Variants in PHLDB2 observed in about 807,000 individuals in gnomAD.
PHLDB2 encodes pleckstrin homology-like domain family B member 2.
Under a neutral mutation model 123.6 loss-of-function variants are expected in PHLDB2, and 71 were observed. The ratio of observed to expected loss-of-function variants is 0.57; its 90% CI spans 0.47 to 0.70. The LOEUF (loss-of-function observed/expected upper bound fraction) is 0.70, where lower values mean the gene tolerates loss of function less well. Among genes scored for constraint, PHLDB2 ranks in the 30% least tolerant of loss-of-function variants. The probability of loss-of-function intolerance (pLI) is 0.00; values close to 1 mark genes in which losing one functional copy is unlikely to be tolerated. For synonymous variants in PHLDB2, 547 were observed against 541.6 expected (o/e 1.01, Z -0.14); for missense variants, 1,446 against 1,519.5 (o/e 0.95, Z 0.80).
intron 2 of PHLDB2, among the ~76,000 whole-genome samples, chr3:111,897,122 C>G (rs933668994): frequency 3.3e-5 from 5 of 152,200 alleles, no homozygotes; most frequent in African/African-American, 9.7e-5. Context: ...ACCCCCATAA[C>G]CACTGATTTC....
chr3:111,892,862 G>T (rs1277581937), intron 2 of PHLDB2, among the ~76,000 whole-genome samples: 1 of 152,086 alleles, frequency 6.6e-6, no homozygotes, highest in African/African-American at 2.4e-5. Context: ...AGGATTTTTG[G>T]TATTTTATAA....
intron 1 of PHLDB2, among the ~76,000 whole-genome samples, chr3:111,765,044 T>G (rs768692757): frequency 1.3e-5 from 2 of 152,206 alleles, no homozygotes; most frequent in Admixed American, 6.5e-5. Context: ...AACATGCCAG[T>G]GCAGTTCCAG....
intron 1 of PHLDB2, among the ~76,000 whole-genome samples, chr3:111,861,875 AG>A (rs1439192880): frequency 6.6e-6 from 1 of 152,220 alleles, no homozygotes; most frequent in Non-Finnish European, 1.5e-5. Flanking sequence ...TCTATAAGCA[AG>A]GGTTGACTCT....
chr3:111,770,941 C>T (rs920310876), intron 1 of PHLDB2, among the ~76,000 whole-genome samples: 3 of 90,756 alleles, frequency 3.3e-5, no homozygotes, highest in Non-Finnish European at 7.3e-5. Flanking sequence ...AGCAAAGCAG[C>T]CAGGATGAGG....
intron 2 of PHLDB2, 159 bp downstream of exon 2, chr3:111,885,571 TC>T: frequency 1.0e-6 from 1 of 957,402 alleles, no homozygotes; most frequent in Non-Finnish European, 1.6e-6. Context: ...TCCTTCTTCT[TC>T]CCATATCACT....
intron 1 of PHLDB2, among the ~76,000 whole-genome samples, chr3:111,835,481 T>A (rs948262106): frequency 6.6e-6 from 1 of 152,216 alleles, no homozygotes; most frequent in Admixed American, 6.5e-5. Flanking sequence ...CTATACTTTA[T>A]GCCATGTGAC....
chr3:111,948,447 AT>A (rs1275062788), intron 9 of PHLDB2, among the ~76,000 whole-genome samples: 1 of 152,172 alleles, frequency 6.6e-6, no homozygotes, highest in Non-Finnish European at 1.5e-5. Flanking sequence ...CCCTCAGCCC[AT>A]TTTCCTCACA....
intron 15 of PHLDB2, 110 bp from the exon 16 acceptor site, chr3:111,969,580 T>G (rs2072035376): frequency 1.3e-6 from 1 of 791,786 alleles, no homozygotes; most frequent in Admixed American, 2.7e-5. Flanking sequence ...TTTAATCATA[T>G]AGGCATTTTA....
chr3:111,874,076 G>C (rs2065479029), intron 1 of PHLDB2, among the ~76,000 whole-genome samples: 1 of 152,136 alleles, frequency 6.6e-6, no homozygotes, highest in Admixed American at 6.5e-5. Context: ...TGTACCAGTG[G>C]TCTGACCTAA....
intron 2 of PHLDB2, among the ~76,000 whole-genome samples, chr3:111,899,608 G>A (rs1183952742): frequency 6.6e-6 from 1 of 152,164 alleles, no homozygotes; most frequent in Non-Finnish European, 1.5e-5. Context: ...AAGGGCCTTG[G>A]TATTTTTGGA....
At chr3:111,851,803 C>G (rs2064267806) in intron 2 of PHLDB2, among the ~76,000 whole-genome samples, 1 of 152,038 alleles carries the variant, frequency 6.6e-6, no homozygotes, top group Admixed American at 6.6e-5. Flanking sequence ...TTCCCCTTTC[C>G]TCAAATCTGG....
chr3:111,733,286 G>A (rs1327164380), intron 1 of PHLDB2, among the ~76,000 whole-genome samples: 1 of 152,098 alleles, frequency 6.6e-6, no homozygotes, highest in African/African-American at 2.4e-5. Context: ...TATCACATCG[G>A]CAGCCAGGTC....
intron 6 of PHLDB2, among the ~76,000 whole-genome samples, chr3:111,933,397 C>A (rs1356445191): frequency 6.6e-6 from 1 of 152,102 alleles, no homozygotes; most frequent in Non-Finnish European, 1.5e-5. Context: ...CTTAAGATGA[C>A]CTTTAATACA....
At position 111,885,321 on chromosome 3, in the gene PHLDB2, G is replaced by A. The variant is rs1305058784; in HGVS notation, c.1244G>A (p.Ser415Asn). ...CCTGCCCTTCGGGAACGGAAAAGCA[G>A]TATTAGCTCCATTTCAGGACGTGAT... ...PQPALRERKS[S>N]ISSISGRDDL... Residue 415 changes from serine (S) to asparagine (N), a missense_variant, in exon 2 of 18, where the codon AGT becomes AAT. This residue lies in a region of PHLDB2 where 832 missense variants were observed against 831.9 expected (regional missense o/e 1.00). Transcript: ENST00000431670. 4 of 1,614,190 alleles carry A rather than the reference G, an allele frequency of 2.5e-6. No homozygotes were observed. Among genetic ancestry groups the A allele is most frequent in the Middle Eastern group, 1.6e-4 (1 of 6,062 alleles).
At chr3:111,734,513 T>A (rs1941619286) in intron 1 of PHLDB2, among the ~76,000 whole-genome samples, 1 of 152,218 alleles carries the variant, frequency 6.6e-6, no homozygotes, top group Non-Finnish European at 1.5e-5. Flanking sequence ...GTCCTTTTTT[T>A]GTAGCTTCTG....
chr3:111,794,173 C>T (rs977738332), intron 1 of PHLDB2, among the ~76,000 whole-genome samples: 10 of 152,076 alleles, frequency 6.6e-5, no homozygotes, highest in Non-Finnish European at 1.2e-4. Flanking sequence ...AGAACCCAGT[C>T]GCTGGGATGC....
At chr3:111,907,081 A>C (rs1268603850) in intron 2 of PHLDB2, among the ~76,000 whole-genome samples, 1 of 152,220 alleles carries the variant, frequency 6.6e-6, no homozygotes, top group Non-Finnish European at 1.5e-5. Context: ...CATTTGTCCT[A>C]AACTGATAAA....
chr3:111,864,588 A>G (rs1039665742), intron 1 of PHLDB2, among the ~76,000 whole-genome samples: 8 of 152,242 alleles, frequency 5.3e-5, no homozygotes, highest in Non-Finnish European at 7.3e-5. Context: ...CTAGTGGTCA[A>G]TAAGAGAAAC....
At chr3:111,779,742 A>G (rs2060335922) in intron 1 of PHLDB2, 1 of 547,820 alleles carries the variant, frequency 1.8e-6, no homozygotes, top group Non-Finnish European at 2.3e-6. Context: ...TAAGATGAAC[A>G]TACAGGTGCA....
Sources: gnomAD v4.1 joint callset for allele counts (sites outside exome capture counted in the v4.1 genomes callset) on GRCh38, gnomAD v4.1.1 for gene constraint, gnomAD v4.1.1 regional missense constraint, MANE v1.5 for transcripts, NCBI Gene and HGNC (gene_info 2026-07-23, HGNC 2026-07-21) for gene names.